NFIB: variants seen among roughly 807,000 people sequenced by gnomAD.
NFIB encodes nuclear factor 1 B-type.
Under a neutral mutation model 61.5 loss-of-function variants are expected in NFIB, and 11 were observed. The ratio of observed to expected loss-of-function variants is 0.18; its 90% CI spans 0.11 to 0.30. The LOEUF (loss-of-function observed/expected upper bound fraction) is 0.30. Ranked by LOEUF, NFIB falls within the 10% of genes least tolerant of loss-of-function variation. The pLI is 1.00. For missense variants in NFIB, 471 were observed against 608.9 expected (o/e 0.77, Z 2.38); for synonymous variants, 260 against 216.5 (o/e 1.20, Z -1.76).
chr9:14,104,419 GT>G (rs945961609), intron 10 of NFIB, among the ~76,000 whole-genome samples: 11 of 146,026 alleles, frequency 7.5e-5, no homozygotes, highest in African/African-American at 2.3e-4. Context: ...ATTGTCTTCT[GT>G]TTTTTTTTTA....
intron 2 of NFIB, among the ~76,000 whole-genome samples, chr9:14,231,135 A>AAAAAAATATATAT (rs55959148): frequency 2.0e-4 from 7 of 35,342 alleles, no homozygotes; most frequent in Non-Finnish European, 3.2e-4. Context: ...AAAAAAAAAA[A>AAAAAAATATATAT]ATATATATAT....
chr9:14,266,604 A>C (rs1369901071), intron 2 of NFIB, among the ~76,000 whole-genome samples: 3 of 151,812 alleles, frequency 2.0e-5, no homozygotes, highest in African/African-American at 7.3e-5. Flanking sequence ...CAAAAAAAAA[A>C]CAATAAAATA....
At chr9:14,234,316 T>C (rs10961440) in intron 2 of NFIB, among the ~76,000 whole-genome samples, 29,377 of 151,120 alleles carry the variant, frequency 0.19, 2,920 homozygotes, top group Middle Eastern at 0.26. Context: ...CATGGTGTAG[T>C]AGGATAAGAA....
chr9:14,404,700 G>A, the NFIB span, among the ~76,000 whole-genome samples: 4 of 152,182 alleles, frequency 2.6e-5, no homozygotes, highest in Non-Finnish European at 5.9e-5. Context: ...CTACAAATCT[G>A]CTTTGGGCTT....
intron 10 of NFIB, among the ~76,000 whole-genome samples, chr9:14,093,725 T>G (rs1380764700): frequency 3.3e-5 from 5 of 152,060 alleles, no homozygotes; most frequent in Non-Finnish European, 7.4e-5. Flanking sequence ...TATTAATTGC[T>G]GAAAACCTGT....
intron 10 of NFIB, among the ~76,000 whole-genome samples, chr9:14,109,863 G>C (rs551059581): frequency 6.6e-6 from 1 of 152,100 alleles, no homozygotes; most frequent in Admixed American, 6.6e-5. Context: ...TTCAGTGATA[G>C]GTGAACTTTC....
At chr9:14,171,685 A>G (rs1466707808) in intron 3 of NFIB, among the ~76,000 whole-genome samples, 7 of 152,224 alleles carry the variant, frequency 4.6e-5, no homozygotes, top group Non-Finnish European at 7.3e-5. Flanking sequence ...TATCTTAAAA[A>G]GGGAAAAAGC....
At position 14,274,251 on chromosome 9, in the gene NFIB, TACACACACACAC is replaced by T. The variant is rs71321975; in HGVS notation, c.562+32726_562+32737del. ...TTCTCTCTCTAGCATTCTTCCTCCC[TACACACACACAC>T]ACACACACACACACACACACACACA... On this transcript the variant is annotated intron_variant, in intron 2 of 10. Coordinates refer to ENST00000380953, the MANE Select transcript of NFIB (RefSeq NM_001190737.2). Among the ~76,000 whole-genome samples, 31 of 124,020 alleles carry T rather than the reference TACACACACACAC, an allele frequency of 2.5e-4. No individual in the cohort carries two copies. In the South Asian group the frequency reaches 5.4e-3, roughly 22 times the overall value. The allele number at this position is 124,020 out of a possible 152,430, so 81.4% of individuals were successfully genotyped here. A position where few individuals can be genotyped will look rare whatever the true frequency, so the allele number is the denominator to read the frequency against.
intron 2 of NFIB, among the ~76,000 whole-genome samples, chr9:14,247,337 C>A (rs1046656595): frequency 1.3e-5 from 2 of 152,208 alleles, no homozygotes; most frequent in Admixed American, 6.5e-5. Flanking sequence ...ATTTTACAGA[C>A]AGATCCAGCT....
At chr9:14,371,130 C>G (rs1554718034) in intron 1 of NFIB, among the ~76,000 whole-genome samples, 1 of 135,106 alleles carries the variant, frequency 7.4e-6, no homozygotes, top group South Asian at 2.5e-4. Context: ...AACAAACAAA[C>G]AAACAAACAA....
chr9:14,440,370 C>T, the NFIB span, among the ~76,000 whole-genome samples: 60 of 152,156 alleles, frequency 3.9e-4, no homozygotes, highest in Non-Finnish European at 6.8e-4. Context: ...TGATACCAAT[C>T]GAAGGGCTCT....
At chr9:14,453,077 A>T in the NFIB span, among the ~76,000 whole-genome samples, 1 of 152,138 alleles carries the variant, frequency 6.6e-6, no homozygotes, top group Admixed American at 6.5e-5. Context: ...TCTCTTTAGA[A>T]CTCCCAGTGA....
At chr9:14,492,101 A>C in the NFIB span, among the ~76,000 whole-genome samples, 7 of 152,124 alleles carry the variant, frequency 4.6e-5, no homozygotes, top group South Asian at 2.1e-4. Flanking sequence ...CGGTGGCTCA[A>C]GCCTGTAATC....
At position 14,253,222 on chromosome 9, in the gene NFIB, C is replaced by A. The variant is rs142927949; in HGVS notation, c.562+53767G>T. ...TGTCTTTTGTCCTGGTCTTTTATTT[C>A]CTTCTCAGATGCATCATATCCTACT... On this transcript the variant is annotated intron_variant, in intron 2 of 10. Coordinates refer to ENST00000380953, the MANE Select transcript of NFIB (RefSeq NM_001190737.2). 5.6e-3 allele frequency among the ~76,000 whole-genome samples: 858 copies of A among 152,256 alleles called. 9 individuals are homozygous for A. The highest frequency in any genetic ancestry group is 0.02 in the African/African-American group (811 of 41,534).
In NFIB at chr9:14,087,940, C is replaced by T. The variant is rs1587043169; in HGVS notation, c.*369G>A. On this transcript the variant is annotated 3_prime_UTR_variant, in exon 11 of 11. Transcript: ENST00000380953. ...TAGAGACAGAACATCTATTTCCCAG[C>T]GGACTTCATGTAACAAAGGCTACGT... 3 of 253,484 alleles carry T rather than the reference C, an allele frequency of 1.2e-5. No homozygotes were observed. The highest frequency in any genetic ancestry group is 5.3e-5 in the Admixed American group (1 of 18,990). 15.7% of individuals were successfully genotyped at this position (253,484 alleles called of 1,614,324 possible). A position where few individuals can be genotyped will look rare whatever the true frequency, so the allele number is the denominator to read the frequency against.
intron 1 of NFIB, among the ~76,000 whole-genome samples, chr9:14,389,609 A>G (rs1192718399): frequency 6.6e-6 from 1 of 152,190 alleles, no homozygotes; most frequent in African/African-American, 2.4e-5. Context: ...CATAAACCAA[A>G]TATATAGATG....
chr9:14,155,733 G>T (rs2043319296), intron 4 of NFIB, 92 bp downstream of exon 4: 2 of 618,152 alleles, frequency 3.2e-6, no homozygotes, highest in South Asian at 6.0e-5. Context: ...TTCCTAATAT[G>T]TGGTCACTCT....
chr9:14,112,020 G>T (rs2037451663), intron 10 of NFIB, among the ~76,000 whole-genome samples: 1 of 152,110 alleles, frequency 6.6e-6, no homozygotes, highest in South Asian at 2.1e-4. Context: ...AAGTAAGTGG[G>T]CAAAAGTATC....
intron 1 of NFIB, among the ~76,000 whole-genome samples, chr9:14,324,738 G>T (rs1184694093): frequency 6.6e-6 from 1 of 151,910 alleles, no homozygotes; most frequent in Non-Finnish European, 1.5e-5. Flanking sequence ...TCATGTTCAG[G>T]CTTTCATATA....
Sources: allele counts gnomAD v4.1 joint callset (sites outside exome capture counted in the v4.1 genomes callset), GRCh38; gene constraint gnomAD v4.1.1; transcripts MANE v1.5; gene names NCBI Gene and HGNC (gene_info 2026-07-23, HGNC 2026-07-21).